The following RIMS4 variants were observed in gnomAD, a reference collection of about 807,000 sequenced individuals.
The protein encoded by RIMS4 is regulating synaptic membrane exocytosis 4, also known as regulating synaptic membrane exocytosis protein 4.
In RIMS4, 9 loss-of-function variants were observed where a neutral mutation model predicts 29.0. The ratio of observed to expected loss-of-function variants is 0.31; its 90% confidence interval spans 0.19 to 0.54. The LOEUF (loss-of-function observed/expected upper bound fraction) is 0.54, where lower values mean the gene tolerates loss of function less well. Ranked by LOEUF, RIMS4 falls within the 20% of genes least tolerant of loss-of-function variation. RIMS4 has a pLI of 0.94. For synonymous variants in RIMS4, 130 were observed against 152.9 expected, an observed-to-expected ratio of 0.85 and a Z score of 1.10; for missense variants, 193 against 365.7, an observed-to-expected ratio of 0.53 and a Z score of 3.85.
intron 1 of RIMS4, among the ~76,000 whole-genome samples, chr20:44,799,870 G>A (rs1036914774): frequency 2.0e-4 from 31 of 152,192 alleles, no homozygotes; most frequent in African/African-American, 7.2e-4. Context: ...ACCTCAGAGG[G>A]ACTTTCAACT....
chr20:44,757,545 A>G, intron 4 of RIMS4, 125 bp downstream of exon 4: 1 of 728,506 alleles, frequency 1.4e-6, no homozygotes, highest in Non-Finnish European at 2.5e-6. Context: ...CACATAAGAC[A>G]TCAGAGTTGG....
rs1241017346 is a variant in RIMS4 at position 44,752,085 on chromosome 20, T to G, written c.*4049A>C. 6.6e-6 allele frequency: 1 copy of G among 152,188 alleles called. No individual in the cohort carries two copies. Among genetic ancestry groups the G allele is most frequent in the African/African-American group, 2.4e-5 (1 of 41,420 alleles). 9.4% of individuals were successfully genotyped at this position (152,188 alleles called of 1,614,324 possible). Reference sequence around the variant, plus strand: ...CTCACAGCCCTGGGTTCGGCTCCATTCTGACCTCCCTGAAGCGCTGGGTTA... The same window carrying G: ...CTCACAGCCCTGGGTTCGGCTCCATGCTGACCTCCCTGAAGCGCTGGGTTA... On this transcript the variant is annotated 3_prime_UTR_variant, in exon 6 of 6. Transcript: ENST00000372851.
chr20:44,793,485 C>T (rs1265480636), intron 1 of RIMS4, among the ~76,000 whole-genome samples: 6 of 152,102 alleles, frequency 3.9e-5, no homozygotes, highest in Non-Finnish European at 7.3e-5. Flanking sequence ...ACATCTGTGC[C>T]GGCTGTCGCC....
At chr20:44,798,641 T>A (rs931320833) in intron 1 of RIMS4, among the ~76,000 whole-genome samples, 11 of 152,240 alleles carry the variant, frequency 7.2e-5, no homozygotes, top group Admixed American at 2.6e-4. Context: ...TTTGGACAAC[T>A]GCCCTTAGCT....
intron 1 of RIMS4, among the ~76,000 whole-genome samples, chr20:44,773,003 G>A (rs1158175662): frequency 1.4e-5 from 2 of 145,714 alleles, no homozygotes; most frequent in East Asian, 2.0e-4. Flanking sequence ...TTCTCAGAAC[G>A]TGTAGCCTCG....
chr20:44,805,523 G>C (rs566200592), intron 1 of RIMS4, among the ~76,000 whole-genome samples: 9 of 152,136 alleles, frequency 5.9e-5, no homozygotes, highest in Non-Finnish European at 1.2e-4. Context: ...TGGAGGGTGA[G>C]GGTGGGAGTG....
Position 44,756,419 on chromosome 20 carries a change from T to G in RIMS4, c.592-67A>C. Reference sequence around the variant, plus strand: ...CACTCACAGGCCCAGAAGCAGAACCTGGGTCGCCCCATGCCCAATCCAGCT... The same window carrying G: ...CACTCACAGGCCCAGAAGCAGAACCGGGGTCGCCCCATGCCCAATCCAGCT... On this transcript the variant is annotated intron_variant, in intron 5 of 5. Coordinates refer to ENST00000372851, the MANE Select transcript of RIMS4 (RefSeq NM_182970.4). The surrounding 1 kb of genome is among the most constrained non-coding windows in gnomAD (Gnocchi z 5.9). 1 of 1,420,842 alleles carries G rather than the reference T, an allele frequency of 7.0e-7. No individual in the cohort carries two copies. 88.0% of individuals were successfully genotyped at this position (1,420,842 alleles called of 1,614,324 possible).
chr20:44,804,551 C>T (rs2066290211), intron 1 of RIMS4, among the ~76,000 whole-genome samples: 1 of 152,168 alleles, frequency 6.6e-6, no homozygotes, highest in Non-Finnish European at 1.5e-5. Flanking sequence ...AAAGAAAAGA[C>T]ACAGAGGAGG....
intron 4 of RIMS4, 61 bp downstream of exon 4, chr20:44,757,609 C>T: frequency 7.4e-7 from 1 of 1,350,916 alleles, no homozygotes; most frequent in South Asian, 1.2e-5. Flanking sequence ...GCCCTCAGTA[C>T]CCATCAGGAT....
At chr20:44,781,709 C>T (rs1379832933) in intron 1 of RIMS4, among the ~76,000 whole-genome samples, 1 of 152,118 alleles carries the variant, frequency 6.6e-6, no homozygotes, top group Non-Finnish European at 1.5e-5. Flanking sequence ...GGCATTTCCA[C>T]AATCATTGGA....
intron 1 of RIMS4, among the ~76,000 whole-genome samples, chr20:44,772,391 C>T (rs1311179623): frequency 6.6e-6 from 1 of 152,212 alleles, no homozygotes; most frequent in African/African-American, 2.4e-5. Flanking sequence ...GAATTTTGTT[C>T]ACTCTTGAAG....
intron 1 of RIMS4, among the ~76,000 whole-genome samples, chr20:44,789,825 C>T (rs1409874875): frequency 2.0e-5 from 3 of 152,134 alleles, no homozygotes; most frequent in African/African-American, 4.8e-5. Flanking sequence ...TCCAAAGTGC[C>T]GGGATTACAG....
chr20:44,780,132 T>C (rs528665718), intron 1 of RIMS4, among the ~76,000 whole-genome samples: 1 of 152,364 alleles, frequency 6.6e-6, no homozygotes, highest in South Asian at 2.1e-4. Flanking sequence ...AACTGCTCAC[T>C]GATACCACCT....
At position 44,756,891 on chromosome 20, in the gene RIMS4, C is replaced by T; in HGVS notation, c.591+7G>A. The T allele has an allele frequency of 6.2e-7, 1 of 1,613,520 alleles. No homozygotes were observed. The highest frequency in any genetic ancestry group is 8.5e-7 in the Non-Finnish European group (1 of 1,179,670). ...CACACACACGTGAGCGCGTCAATGCCCCTCACCTGGAGGACTTTGCCCTGG... is the reference window on the plus strand; with the variant it reads ...CACACACACGTGAGCGCGTCAATGCTCCTCACCTGGAGGACTTTGCCCTGG... On this transcript the variant is annotated splice_region_variant and intron_variant, in intron 5 of 5. Coordinates refer to ENST00000372851, the MANE Select transcript of RIMS4 (RefSeq NM_182970.4). This position sits in a 1 kb window ranked among gnomAD's most constrained non-coding sequence, Gnocchi z 5.9.
chr20:44,796,470 C>CTCTGCCTT (rs1225439616), intron 1 of RIMS4, among the ~76,000 whole-genome samples: 1 of 152,210 alleles, frequency 6.6e-6, no homozygotes, highest in Non-Finnish European at 1.5e-5. Context: ...TGGGATTCAA[C>CTCTGCCTT]TCTGCCTTTC....
intron 1 of RIMS4, among the ~76,000 whole-genome samples, chr20:44,804,203 G>C (rs1383286456): frequency 6.6e-6 from 1 of 152,136 alleles, no homozygotes; most frequent in Non-Finnish European, 1.5e-5. Context: ...ATAGAATTCA[G>C]TGCGATCACA....
At chr20:44,763,124 GA>G (rs1311134508) in intron 2 of RIMS4, among the ~76,000 whole-genome samples, 1 of 152,210 alleles carries the variant, frequency 6.6e-6, no homozygotes, top group African/African-American at 2.4e-5. Context: ...GAGCTCAATA[GA>G]TGTTCACTGC....
chr20:44,788,516 T>C (rs962106687), intron 1 of RIMS4, among the ~76,000 whole-genome samples: 2 of 152,160 alleles, frequency 1.3e-5, no homozygotes, highest in Admixed American at 6.5e-5. Flanking sequence ...TCCATACTTA[T>C]AATCCCAGCA....
chr20:44,779,892 T>C (rs2066176311), intron 1 of RIMS4, among the ~76,000 whole-genome samples: 1 of 152,124 alleles, frequency 6.6e-6, no homozygotes, highest in Non-Finnish European at 1.5e-5. Flanking sequence ...TCTGAAGAAG[T>C]GAGGCTAAAG....
Sources: gnomAD v4.1 joint callset for allele counts (sites outside exome capture counted in the v4.1 genomes callset) on GRCh38, gnomAD v4.1.1 for gene constraint, Gnocchi (gnomAD v3.1) non-coding constraint, MANE v1.5 for transcripts, NCBI Gene and HGNC (gene_info 2026-07-23, HGNC 2026-07-21) for gene names.